Variants in ST8SIA4 observed in about 807,000 individuals in gnomAD.
The protein encoded by ST8SIA4 is ST8 alpha-N-acetyl-neuraminide alpha-2,8-sialyltransferase 4, also known as CMP-N-acetylneuraminate-poly-alpha-2,8-sialyltransferase.
Under a neutral mutation model 33.9 loss-of-function variants are expected in ST8SIA4, and 15 were observed. That is an observed-to-expected ratio of 0.44 (90% CI 0.30 to 0.68). The LOEUF (loss-of-function observed/expected upper bound fraction) is 0.68. Among genes scored for constraint, ST8SIA4 ranks in the 30% least tolerant of loss-of-function variants. The probability of loss-of-function intolerance (pLI) is 0.10; values close to 1 mark genes in which losing one functional copy is unlikely to be tolerated. For synonymous variants in ST8SIA4, 171 were observed against 151.2 expected, an observed-to-expected ratio of 1.13 and a Z score of -0.96; for missense variants, 321 against 428.0, an observed-to-expected ratio of 0.75 and a Z score of 2.21.
At chr5:100,881,190 T>C (rs1223962728) in intron 3 of ST8SIA4, among the ~76,000 whole-genome samples, 1 of 152,194 alleles carries the variant, frequency 6.6e-6, no homozygotes, top group Non-Finnish European at 1.5e-5. Flanking sequence ...GTCAAAAATA[T>C]AAATTAAAAC....
intron 3 of ST8SIA4, among the ~76,000 whole-genome samples, chr5:100,875,760 A>G (rs1346881097): frequency 6.6e-6 from 1 of 152,186 alleles, no homozygotes; most frequent in Non-Finnish European, 1.5e-5. Flanking sequence ...CTTGACGTTT[A>G]TCTTTTAACA....
intron 4 of ST8SIA4, among the ~76,000 whole-genome samples, chr5:100,855,205 A>G (rs1042165106): frequency 3.9e-5 from 6 of 152,070 alleles, no homozygotes; most frequent in African/African-American, 1.4e-4. Flanking sequence ...TCTTTATTTT[A>G]TCCCTCTGGC....
intron 4 of ST8SIA4, among the ~76,000 whole-genome samples, chr5:100,851,430 T>A (rs1017276681): frequency 6.6e-6 from 1 of 151,922 alleles, no homozygotes; most frequent in African/African-American, 2.4e-5. Flanking sequence ...AAATGAGAAG[T>A]ACTACAAATG....
At chr5:100,874,618 T>C (rs1752267042) in intron 3 of ST8SIA4, among the ~76,000 whole-genome samples, 1 of 152,024 alleles carries the variant, frequency 6.6e-6, no homozygotes, top group African/African-American at 2.4e-5. Context: ...TTGTTCTTGC[T>C]CTTTTATGCA....
intron 4 of ST8SIA4, among the ~76,000 whole-genome samples, chr5:100,850,800 ACAT>A (rs1409650329): frequency 1.0e-5 from 1 of 95,510 alleles, no homozygotes; most frequent in Non-Finnish European, 2.6e-5. Flanking sequence ...TATATATATA[ACAT>A]GTGTGTGTAT....
chr5:100,821,240 G>GA (rs1023547713), intron 4 of ST8SIA4, among the ~76,000 whole-genome samples: 13 of 150,230 alleles, frequency 8.7e-5, no homozygotes, highest in South Asian at 2.1e-4. Flanking sequence ...GTCCTACAAA[G>GA]AAAAAAAAAG....
chr5:100,823,932 G>C (rs1751084896), intron 4 of ST8SIA4, among the ~76,000 whole-genome samples: 1 of 152,182 alleles, frequency 6.6e-6, no homozygotes. Context: ...AAGAATATAA[G>C]TTGATAGAGA....
intron 2 of ST8SIA4, among the ~76,000 whole-genome samples, chr5:100,894,964 T>C (rs1274961850): frequency 6.6e-6 from 1 of 152,090 alleles, no homozygotes; most frequent in African/African-American, 2.4e-5. Context: ...TAATGCAATG[T>C]AACTATAAAG....
chr5:100,845,288 CT>C (rs1255728581), intron 4 of ST8SIA4, among the ~76,000 whole-genome samples: 4 of 151,912 alleles, frequency 2.6e-5, no homozygotes, highest in Admixed American at 6.6e-5. Flanking sequence ...GATTAAATAA[CT>C]TTTCTCCACA....
At chr5:100,840,971 G>A (rs1483207615) in intron 4 of ST8SIA4, among the ~76,000 whole-genome samples, 1 of 151,744 alleles carries the variant, frequency 6.6e-6, no homozygotes, top group Non-Finnish European at 1.5e-5. Flanking sequence ...ATCACACTCA[G>A]TGTCACAGTA....
chr5:100,865,166 G>A (rs1488544948), intron 3 of ST8SIA4, among the ~76,000 whole-genome samples: 2 of 152,094 alleles, frequency 1.3e-5, no homozygotes, highest in African/African-American at 2.4e-5. Context: ...TCATAATTAG[G>A]AAAATGTGGT....
chr5:100,887,646 CTGA>C, intron 2 of ST8SIA4, among the ~76,000 whole-genome samples: 1 of 152,016 alleles, frequency 6.6e-6, no homozygotes, highest in South Asian at 2.1e-4. Context: ...GGCTGGAAAA[CTGA>C]TGATCCTTGG....
rs1460278613 is a variant in ST8SIA4, at chr5:100,811,564, T to A, written c.*283A>T. On this transcript the variant is annotated 3_prime_UTR_variant, in exon 5 of 5. Coordinates refer to ENST00000231461, the MANE Select transcript of ST8SIA4 (RefSeq NM_005668.6). ...TGAACATATTTGCTTTGTTAACTAA[T>A]GATGAGTGCACTGTTGGATCTTGTA... 1 of 274,098 alleles carries A rather than the reference T, an allele frequency of 3.6e-6. No individual in the cohort carries two copies. The highest frequency in any genetic ancestry group is 6.9e-6 in the Non-Finnish European group (1 of 144,390). 17.0% of individuals were successfully genotyped at this position (274,098 alleles called of 1,614,324 possible). A position where few individuals can be genotyped will look rare whatever the true frequency, so the allele number is the denominator to read the frequency against.
intron 4 of ST8SIA4, among the ~76,000 whole-genome samples, chr5:100,823,132 TAAACAAACAAAC>T (rs3995455): frequency 3.4e-4 from 47 of 139,794 alleles, no homozygotes; most frequent in African/African-American, 6.4e-4. Context: ...CTCCGTCTCA[TAAACAAACAAAC>T]AAACAAACAA....
At chr5:100,891,359 C>G (rs1752659662) in intron 2 of ST8SIA4, among the ~76,000 whole-genome samples, 1 of 151,956 alleles carries the variant, frequency 6.6e-6, no homozygotes, top group Non-Finnish European at 1.5e-5. Context: ...AAAAAATGCC[C>G]AGTGTTTCAT....
In ST8SIA4 at chr5:100,902,988, G is replaced by C. The variant is rs756523069; in HGVS notation, c.-33C>G. On this transcript the variant is annotated 5_prime_UTR_variant, in exon 1 of 5. Transcript: ENST00000231461. The stretch of plus-strand genomic sequence containing the variant: ...GCCCGAGAAAGTCCTGGTTGCCCCA[G>C]CTCCCGCACCTTCTCTTGATATAAA... 2.7e-6 allele frequency: 4 copies of C among 1,507,134 alleles called. No individual in the cohort carries two copies. The highest frequency in any genetic ancestry group is 2.2e-5 in the South Asian group (2 of 88,902). The allele number at this position is 1,507,134 out of a possible 1,614,324, so 93.4% of individuals were successfully genotyped here.
intron 3 of ST8SIA4, among the ~76,000 whole-genome samples, chr5:100,874,883 TTCTA>T (rs1752271966): frequency 6.6e-6 from 1 of 152,142 alleles, no homozygotes; most frequent in Non-Finnish European, 1.5e-5. Context: ...TGTGCTCAGC[TTCTA>T]TCTGTCATCT....
At position 100,902,445 on chromosome 5, in the gene ST8SIA4, A is replaced by G. The variant is rs1292186973; in HGVS notation, c.113+398T>C. ...TTTAACTTCAGCCCTTCGAGAAACCATCTATCTCCAGTATCTCCTTAGGTG... is the reference window on the plus strand; with the variant it reads ...TTTAACTTCAGCCCTTCGAGAAACCGTCTATCTCCAGTATCTCCTTAGGTG... On this transcript the variant is annotated intron_variant, in intron 1 of 4. Transcript: ENST00000231461. 3.3e-5 allele frequency among the ~76,000 whole-genome samples: 5 copies of G among 152,166 alleles called. No homozygotes were observed. The East Asian group carries it at 5.8e-4, about 18-fold the overall frequency.
intron 4 of ST8SIA4, among the ~76,000 whole-genome samples, chr5:100,812,825 A>T (rs1285821297): frequency 6.6e-6 from 1 of 152,170 alleles, no homozygotes; most frequent in Non-Finnish European, 1.5e-5. Flanking sequence ...GTTTAAATCC[A>T]TCACTGCTGT....
Sources: allele counts gnomAD v4.1 joint callset (sites outside exome capture counted in the v4.1 genomes callset), GRCh38; gene constraint gnomAD v4.1.1; transcripts MANE v1.5; gene names NCBI Gene and HGNC (gene_info 2026-07-23, HGNC 2026-07-21).